The following NRXN3 variants were observed in gnomAD, a reference collection of about 807,000 sequenced individuals.
The protein encoded by NRXN3 is neurexin III.
In NRXN3, 32 loss-of-function variants were observed where a neutral mutation model predicts 137.6. That is an observed-to-expected ratio of 0.23 (90% CI 0.18 to 0.31). The LOEUF (loss-of-function observed/expected upper bound fraction) is 0.31, where lower values mean the gene tolerates loss of function less well. Ranked by LOEUF, NRXN3 falls within the 10% of genes least tolerant of loss-of-function variation. NRXN3 has a pLI of 1.00. For missense variants in NRXN3, 1,574 were observed against 2,062.5 expected (o/e 0.76, Z 4.59); for synonymous variants, 798 against 784.5 (o/e 1.02, Z -0.29).
At chr14:78,775,993 T>C (rs926800316) in intron 8 of NRXN3, among the ~76,000 whole-genome samples, 2 of 152,196 alleles carry the variant, frequency 1.3e-5, no homozygotes, top group Non-Finnish European at 2.9e-5. Flanking sequence ...GCTGGCCAGT[T>C]ATTAGATTGT....
intron 2 of NRXN3, among the ~76,000 whole-genome samples, chr14:78,263,598 T>G (rs1279697946): frequency 1.3e-5 from 2 of 152,214 alleles, no homozygotes; most frequent in East Asian, 3.8e-4. Context: ...TTTATCTTAC[T>G]GAATTATTTT....
Position 78,709,395 on chromosome 14 carries a change from G to T in NRXN3, c.1400G>T (p.Arg467Leu), listed in dbSNP as rs746783604. 1 of 1,613,992 alleles carries T rather than the reference G, an allele frequency of 6.2e-7. No homozygotes were observed. Among genetic ancestry groups the T allele is most frequent in the Non-Finnish European group, 8.5e-7 (1 of 1,180,022 alleles). The change falls in exon 7 of 21, where the codon CGT becomes CTT. Residue 467 changes from arginine to leucine, a missense_variant. Arg to Leu is a moderately radical substitution (Grantham distance 102). Around this residue, in one of 5 missense-constraint regions of NRXN3, gnomAD observed 718 missense variants for 887.6 expected, o/e 0.81. Transcript: ENST00000335750. ...AGCTTGCCCAAGTGGAACACTAAAC[G>T]TATGGGCTCCATCTCCTTTGACTTC... is the stretch of plus-strand genomic sequence containing the variant. ...YISLPKWNTK[R>L]MGSISFDFRT...
chr14:79,163,437 C>A (rs1401897796), intron 15 of NRXN3, among the ~76,000 whole-genome samples: 1 of 151,938 alleles, frequency 6.6e-6, no homozygotes, highest in Non-Finnish European at 1.5e-5. Flanking sequence ...GAGAGATAAA[C>A]CATAATTCTT....
At position 79,575,691 on chromosome 14, in the gene NRXN3, A is replaced by G. The variant is rs1044483208; in HGVS notation, c.3445-88087A>G. ...GTGTCAATGATGGCTTTTAATCCCA[A>G]TTTCCATCATTACCCCTCAGTGAAA... On this transcript the variant is annotated intron_variant, in intron 16 of 20. Transcript: ENST00000335750. Among the ~76,000 whole-genome samples the G allele has an allele frequency of 2.0e-5, 3 of 152,086 alleles. No homozygotes were observed. In the South Asian group the frequency reaches 6.2e-4, roughly 32 times the overall value.
At chr14:79,341,404 G>A (rs555222394) in intron 15 of NRXN3, among the ~76,000 whole-genome samples, 13 of 152,220 alleles carry the variant, frequency 8.5e-5, no homozygotes, top group African/African-American at 3.1e-4. Flanking sequence ...GCCACTCAAA[G>A]TGCGATCCAC....
At chr14:79,143,890 T>A (rs2153005409) in intron 15 of NRXN3, among the ~76,000 whole-genome samples, 1 of 152,304 alleles carries the variant, frequency 6.6e-6, no homozygotes, top group South Asian at 2.1e-4. Context: ...GTAAGCAGAT[T>A]TTTTTTAAAA....
At chr14:78,973,178 G>T (rs966708201) in intron 14 of NRXN3, among the ~76,000 whole-genome samples, 1 of 152,096 alleles carries the variant, frequency 6.6e-6, no homozygotes. Flanking sequence ...ATCCCATACC[G>T]TGACTATACA....
At chr14:79,092,244 A>T (rs906709324) in intron 15 of NRXN3, among the ~76,000 whole-genome samples, 7 of 152,214 alleles carry the variant, frequency 4.6e-5, no homozygotes, top group Non-Finnish European at 8.8e-5. Context: ...TTTCAGCAGA[A>T]CTAAAGAGAA....
Position 78,866,053 on chromosome 14 carries a change from C to G in NRXN3, c.2275+55709C>G, listed in dbSNP as rs181782373. On this transcript the variant is annotated intron_variant, in intron 10 of 20. Coordinates refer to ENST00000335750, the MANE Select transcript of NRXN3 (RefSeq NM_001330195.2). ...TAACTAAGTTACCAAAAGACTGAAA[C>G]TAATCAGGTCTGATTTTCAAAATAA... 1.5e-3 allele frequency among the ~76,000 whole-genome samples: 232 copies of G among 152,254 alleles called. 3 individuals carry two copies. Among genetic ancestry groups the G allele is most frequent in the African/African-American group, 5.3e-3 (222 of 41,544 alleles).
chr14:78,714,660 G>C (rs1595080169), intron 7 of NRXN3, 96 bp from the exon 8 acceptor site: 2 of 1,345,010 alleles, frequency 1.5e-6, no homozygotes, highest in Non-Finnish European at 2.1e-6. Flanking sequence ...TTCTCTCCTG[G>C]CCAGCCAATG....
In NRXN3 at chr14:79,865,317, A is replaced by C. The variant is rs1365318689; in HGVS notation, c.*3353A>C. 1 of 152,186 alleles carries C rather than the reference A, an allele frequency of 6.6e-6. No individual in the cohort carries two copies. The highest frequency in any genetic ancestry group is 2.4e-5 in the African/African-American group (1 of 41,456). 9.4% of individuals were successfully genotyped at this position (152,186 alleles called of 1,614,324 possible). On this transcript the variant is annotated 3_prime_UTR_variant, in exon 21 of 21. Transcript: ENST00000335750. Reference sequence around the variant, plus strand: ...TGTTTCATACACCCATTGTAGCAGTAATGTCTCATATTTCTCGTTCTCTCA... The same window carrying C: ...TGTTTCATACACCCATTGTAGCAGTCATGTCTCATATTTCTCGTTCTCTCA...
chr14:79,545,450 C>G (rs1293962126), intron 16 of NRXN3, among the ~76,000 whole-genome samples: 1 of 152,120 alleles, frequency 6.6e-6, no homozygotes, highest in Non-Finnish European at 1.5e-5. Flanking sequence ...TCTCACTCTT[C>G]TGCCTCCCCT....
intron 10 of NRXN3, among the ~76,000 whole-genome samples, chr14:78,838,686 G>A (rs986996038): frequency 6.6e-6 from 1 of 152,154 alleles, no homozygotes. Context: ...TTTGGCCAAG[G>A]AGAGTAAAGG....
intron 1 of NRXN3, among the ~76,000 whole-genome samples, chr14:78,189,469 C>A (rs1205841960): frequency 1.3e-5 from 2 of 152,192 alleles, no homozygotes; most frequent in African/African-American, 4.8e-5. Flanking sequence ...GCCCTTCTGC[C>A]TCCTCTTCCA....
chr14:78,219,420 A>G (rs2063610009), intron 1 of NRXN3, among the ~76,000 whole-genome samples: 1 of 152,186 alleles, frequency 6.6e-6, no homozygotes, highest in Non-Finnish European at 1.5e-5. Flanking sequence ...ATAAACACAG[A>G]AGACCATGTA....
intron 15 of NRXN3, among the ~76,000 whole-genome samples, chr14:79,034,212 T>C (rs919666110): frequency 1.3e-4 from 20 of 152,190 alleles, no homozygotes; most frequent in Non-Finnish European, 2.5e-4. Flanking sequence ...TGCTCCCTCA[T>C]GTTTAAGATT....
chr14:78,342,418 C>T (rs748436727), intron 4 of NRXN3, among the ~76,000 whole-genome samples: 2 of 152,044 alleles, frequency 1.3e-5, no homozygotes, highest in Admixed American at 6.6e-5. Flanking sequence ...CCAAGATTGC[C>T]GAGGGTGACA....
At chr14:78,371,423 A>G (rs2153617251) in intron 4 of NRXN3, among the ~76,000 whole-genome samples, 1 of 152,262 alleles carries the variant, frequency 6.6e-6, no homozygotes, top group Non-Finnish European at 1.5e-5. Flanking sequence ...ACTGCTTAAT[A>G]AAATCCTCTG....
At chr14:79,504,213 G>A (rs1445303510) in intron 16 of NRXN3, among the ~76,000 whole-genome samples, 3 of 152,034 alleles carry the variant, frequency 2.0e-5, no homozygotes, top group Admixed American at 1.3e-4. Context: ...AAGACAAATG[G>A]TTGCATTCAT....
Sources: allele counts gnomAD v4.1 joint callset (sites outside exome capture counted in the v4.1 genomes callset), GRCh38; gene constraint gnomAD v4.1.1; regional missense constraint gnomAD v4.1.1; transcripts MANE v1.5; gene names NCBI Gene and HGNC (gene_info 2026-07-23, HGNC 2026-07-21).